Variants in BNIP5 observed in about 807,000 individuals in gnomAD.
The protein encoded by BNIP5 is BCL2 interacting protein 5.
BNIP5 carries 61 observed loss-of-function variants against 67.3 expected under a neutral mutation model. That is an observed-to-expected ratio of 0.91 (90% CI 0.74 to 1.12). The LOEUF is 1.12. Ranked by LOEUF, BNIP5 falls within the 50% of genes most tolerant of loss-of-function variation. The probability of loss-of-function intolerance (pLI) is 0.00; values close to 1 mark genes in which losing one functional copy is unlikely to be tolerated. For synonymous variants in BNIP5, 317 were observed against 319.0 expected (o/e 0.99, Z 0.07); for missense variants, 826 against 816.3 (o/e 1.01, Z -0.14).
At chr6:36,324,571 GATATTATAT>G (rs1771712541) in intron 6 of BNIP5, among the ~76,000 whole-genome samples, 2 of 74,248 alleles carry the variant, frequency 2.7e-5, no homozygotes, top group Non-Finnish European at 2.4e-5. Flanking sequence ...ACCTGACGGT[GATATTATAT>G]ATATATATAT....
At position 36,330,708 on chromosome 6, in the gene BNIP5, A is replaced by G. The variant is rs983136077; in HGVS notation, c.-4-14T>C. 1.3e-6 allele frequency: 2 copies of G among 1,531,146 alleles called. No individual in the cohort carries two copies. The highest frequency in any genetic ancestry group is 2.3e-5 in the East Asian group (1 of 44,166). 94.8% of individuals were successfully genotyped at this position (1,531,146 alleles called of 1,614,324 possible). On this transcript the variant is annotated splice_polypyrimidine_tract_variant and intron_variant, in intron 1 of 11. Coordinates refer to ENST00000437635, the MANE Select transcript of BNIP5 (RefSeq NM_001010903.5). ...TTCTCCATCGGGCTGCAACCAAAAC[A>G]CACAGCTCCCTTAGTTTTTTTGTTT...
chr6:36,333,319 C>A (rs1771944743), intron 1 of BNIP5, among the ~76,000 whole-genome samples: 1 of 152,144 alleles, frequency 6.6e-6, no homozygotes, highest in Non-Finnish European at 1.5e-5. Context: ...TTTAAAAGGA[C>A]TTATTTGTTG....
At chr6:36,333,896 G>A (rs1370511085) in intron 1 of BNIP5, among the ~76,000 whole-genome samples, 1 of 152,204 alleles carries the variant, frequency 6.6e-6, no homozygotes, top group Non-Finnish European at 1.5e-5. Flanking sequence ...CAGAGAAGCT[G>A]TTCATTAACA....
At chr6:36,332,197 C>T (rs1322371014) in intron 1 of BNIP5, among the ~76,000 whole-genome samples, 1 of 152,206 alleles carries the variant, frequency 6.6e-6, no homozygotes, top group Non-Finnish European at 1.5e-5. Context: ...CCTTCAGGCC[C>T]GCCTGCCTCA....
intron 5 of BNIP5, 84 bp downstream of exon 5, chr6:36,326,426 A>C: frequency 6.4e-7 from 1 of 1,552,372 alleles, no homozygotes; most frequent in Non-Finnish European, 8.8e-7. Context: ...CGCAACCTTT[A>C]AAATGGTCAA....
rs916369491 is a variant in BNIP5 at position 36,322,374 on chromosome 6, G to T, written c.1540C>A (p.Pro514Thr). The change falls in exon 9 of 12, where the codon CCC (proline) becomes ACC (threonine). Residue 514 changes from proline (P) to threonine (T), a missense_variant. Physicochemically the swap from Pro to Thr is conservative, Grantham distance 38 (BLOSUM62 -1). Transcript: ENST00000437635. ...EGEPVVISEA[P>T]SQARGHTPEG... Reference sequence around the variant, plus strand: ...GGCGTGTGGCCTCTAGCCTGGGAGGGTGCTTCTGAGATCACAACTGGCTCC... The same window carrying T: ...GGCGTGTGGCCTCTAGCCTGGGAGGTTGCTTCTGAGATCACAACTGGCTCC... The T allele has an allele frequency of 1.1e-5, 17 of 1,614,142 alleles. No homozygotes were observed. Among genetic ancestry groups the T allele is most frequent in the South Asian group, 2.2e-5 (2 of 91,080 alleles).
At chr6:36,336,192 A>T (rs1270040077) in intron 1 of BNIP5, among the ~76,000 whole-genome samples, 1 of 152,190 alleles carries the variant, frequency 6.6e-6, no homozygotes, top group Non-Finnish European at 1.5e-5. Flanking sequence ...CCATTCTTGG[A>T]CTAACTTCCA....
intron 10 of BNIP5, among the ~76,000 whole-genome samples, chr6:36,319,932 G>A (rs116712229): frequency 1.8e-3 from 277 of 152,292 alleles, no homozygotes; most frequent in African/African-American, 6.3e-3. Context: ...TTATTTAAAT[G>A]TATAACAGTC....
chr6:36,319,456 G>C lies in BNIP5; in HGVS notation c.1823C>G (p.Ala608Gly), dbSNP rs1771587044. Reference protein sequence around the residue: ...RRLYQFDVSLANKFAGSNSHA... With the variant: ...RRLYQFDVSLGNKFAGSNSHA... ...GCTGTTGCTGCCAGCAAATTTGTTA[G>C]CTAAGCTAACGTCAAACTGGTAGAG... Residue 608 changes from alanine to glycine, a missense_variant, in exon 11 of 12, where the codon GCT (alanine) becomes GGT (glycine). Coordinates refer to ENST00000437635, the MANE Select transcript of BNIP5 (RefSeq NM_001010903.5). The C allele has an allele frequency of 1.2e-6, 2 of 1,614,198 alleles. No individual in the cohort carries two copies. Among genetic ancestry groups the C allele is most frequent in the Non-Finnish European group, 1.7e-6 (2 of 1,180,030 alleles).
At chr6:36,323,163 A>G (rs2127364552) in intron 8 of BNIP5, 130 bp downstream of exon 8, 2 of 1,322,392 alleles carry the variant, frequency 1.5e-6, no homozygotes, top group South Asian at 1.4e-5. Flanking sequence ...CAGCATGGAA[A>G]GACACAGTCA....
At chr6:36,332,227 T>C (rs1221277959) in intron 1 of BNIP5, among the ~76,000 whole-genome samples, 1 of 152,118 alleles carries the variant, frequency 6.6e-6, no homozygotes, top group East Asian at 1.9e-4. Context: ...CACTGGCCAG[T>C]CCCTCTTTCT....
intron 1 of BNIP5, among the ~76,000 whole-genome samples, chr6:36,333,952 G>A (rs1005173516): frequency 2.0e-5 from 3 of 152,194 alleles, no homozygotes; most frequent in Non-Finnish European, 4.4e-5. Flanking sequence ...CCTCTCTTCC[G>A]TCTGCACAGA....
chr6:36,315,833 C>T lies in BNIP5; in HGVS notation c.*1523G>A, dbSNP rs1298345198. 6.6e-6 allele frequency: 1 copy of T among 152,634 alleles called. No individual in the cohort carries two copies. The highest frequency in any genetic ancestry group is 1.9e-4 in the East Asian group (1 of 5,198). 9.5% of individuals were successfully genotyped at this position (152,634 alleles called of 1,614,324 possible). ...GACTCAGATGCCAGCATCAGGAGCA[C>T]ATACCAAATACTCATAGGGCTTAAA... On this transcript the variant is annotated 3_prime_UTR_variant, in exon 12 of 12. Transcript: ENST00000437635.
chr6:36,327,677 C>A (rs1256005371), intron 3 of BNIP5, among the ~76,000 whole-genome samples: 1 of 152,144 alleles, frequency 6.6e-6, no homozygotes, highest in African/African-American at 2.4e-5. Flanking sequence ...CATGTCTGCA[C>A]GGAGAAGCCA....
chr6:36,321,672 C>G (rs1771638472), intron 9 of BNIP5, among the ~76,000 whole-genome samples: 1 of 152,194 alleles, frequency 6.6e-6, no homozygotes, highest in African/African-American at 2.4e-5. Context: ...AGGGCCTACT[C>G]GTACTAAGTT....
At chr6:36,323,249 C>T in intron 8 of BNIP5, 44 bp downstream of exon 8, 1 of 1,611,038 alleles carries the variant, frequency 6.2e-7, no homozygotes, top group Non-Finnish European at 8.5e-7. Context: ...CAGCCTTGCC[C>T]AAGAGGAAGC....
intron 11 of BNIP5, among the ~76,000 whole-genome samples, chr6:36,318,445 T>G (rs979873315): frequency 1.3e-5 from 2 of 151,998 alleles, no homozygotes; most frequent in Non-Finnish European, 1.5e-5. Context: ...TGGTGGCTCA[T>G]GCCTGTAATC....
In BNIP5 at chr6:36,317,242, C is replaced by G. The variant is rs550509203; in HGVS notation, c.*114G>C. On this transcript the variant is annotated 3_prime_UTR_variant, in exon 12 of 12. Transcript: ENST00000437635. ...CAGAATGATTGTCTGCTCTTGTCTT[C>G]CATCACGTTTGTGAAGCAGGGATTG... 9 of 846,660 alleles carry G rather than the reference C, an allele frequency of 1.1e-5. No homozygotes were observed. Among genetic ancestry groups the G allele is most frequent in the African/African-American group, 6.6e-5 (4 of 60,330 alleles). The allele number at this position is 846,660 out of a possible 1,614,324, so 52.4% of individuals were successfully genotyped here.
In BNIP5 at chr6:36,328,609, T is replaced by C. The variant is rs1463549134; in HGVS notation, c.716A>G (p.Lys239Arg). ...ATGHQQEEELKKPDQDAIIQM... is the reference protein window; with the variant it reads ...ATGHQQEEELRKPDQDAIIQM... ...AGATTCCGACTCACGGTCAGGCTTT[T>C]TGAGCTCCTCTTCTTGCTGATGACC... The change falls in exon 3 of 12, where the codon AAA (lysine) becomes AGA (arginine). Residue 239 changes from lysine to arginine, a missense_variant. Lys to Arg is a conservative substitution (Grantham distance 26, BLOSUM62 2). Coordinates refer to ENST00000437635, the MANE Select transcript of BNIP5 (RefSeq NM_001010903.5). The C allele has an allele frequency of 1.2e-6, 2 of 1,612,184 alleles. No homozygotes were observed. Among genetic ancestry groups the C allele is most frequent in the Admixed American group, 3.3e-5 (2 of 60,022 alleles).
Sources: gnomAD v4.1 joint callset for allele counts (sites outside exome capture counted in the v4.1 genomes callset) on GRCh38, gnomAD v4.1.1 for gene constraint, MANE v1.5 for transcripts, NCBI Gene and HGNC (gene_info 2026-07-23, HGNC 2026-07-21) for gene names.